SLC1A2: variants seen among roughly 807,000 people sequenced by gnomAD.
SLC1A2 encodes the protein excitatory amino acid transporter 2.
In SLC1A2, 15 loss-of-function variants were observed where a neutral mutation model predicts 48.8. That is an observed-to-expected ratio of 0.31 (90% confidence interval 0.21 to 0.47). The LOEUF is 0.47. Ranked by LOEUF, SLC1A2 falls within the 20% of genes least tolerant of loss-of-function variation. The pLI is 0.99. For missense variants in SLC1A2, 502 were observed against 730.5 expected, an observed-to-expected ratio of 0.69 and a Z score of 3.61; for synonymous variants, 279 against 272.6, an observed-to-expected ratio of 1.02 and a Z score of -0.23.
At chr11:35,379,324 T>C (rs1173583988) in intron 1 of SLC1A2, among the ~76,000 whole-genome samples, 1 of 152,262 alleles carries the variant, frequency 6.6e-6, no homozygotes, top group Non-Finnish European at 1.5e-5. Context: ...GCTACTGTTA[T>C]TACTAATAAA....
intron 1 of SLC1A2, among the ~76,000 whole-genome samples, chr11:35,337,263 C>G (rs1852667926): frequency 6.6e-6 from 1 of 152,052 alleles, no homozygotes; most frequent in Non-Finnish European, 1.5e-5. Flanking sequence ...CAACATCCAG[C>G]CAAACAGAAG....
rs1381984695 is a variant in SLC1A2 at position 35,254,027 on chromosome 11, G to A, written c.*6867C>T. The A allele has an allele frequency of 6.6e-6, 1 of 152,354 alleles. No homozygotes were observed. The highest frequency in any genetic ancestry group is 1.5e-5 in the Non-Finnish European group (1 of 68,022). The allele number at this position is 152,354 out of a possible 1,614,324, so 9.4% of individuals were successfully genotyped here. On this transcript the variant is annotated 3_prime_UTR_variant, in exon 11 of 11. Transcript: ENST00000278379. ...GATTTGTTTAAAAAAATGTAAGACTGGGCTGGAGGAATTTGTGGATTTAGG... is the reference window on the plus strand; with the variant it reads ...GATTTGTTTAAAAAAATGTAAGACTAGGCTGGAGGAATTTGTGGATTTAGG...
chr11:35,352,995 A>T (rs879497192), intron 1 of SLC1A2, among the ~76,000 whole-genome samples: 3 of 152,250 alleles, frequency 2.0e-5, no homozygotes, highest in Non-Finnish European at 4.4e-5. Flanking sequence ...AATCATTTCA[A>T]GACCGACTTT....
chr11:35,401,547 C>T (rs756854267), intron 1 of SLC1A2, among the ~76,000 whole-genome samples: 8 of 152,262 alleles, frequency 5.3e-5, no homozygotes, highest in Non-Finnish European at 1.0e-4. Flanking sequence ...CCTAAACCAG[C>T]GTTTCAGGTT....
intron 1 of SLC1A2, among the ~76,000 whole-genome samples, chr11:35,319,386 C>G (rs1851987768): frequency 6.6e-6 from 1 of 152,194 alleles, no homozygotes; most frequent in Non-Finnish European, 1.5e-5. Context: ...AAATGTCAAA[C>G]AAAGAATGGA....
chr11:35,343,102 T>G (rs921795606), intron 1 of SLC1A2, among the ~76,000 whole-genome samples: 3 of 152,256 alleles, frequency 2.0e-5, no homozygotes, highest in Non-Finnish European at 2.9e-5. Context: ...CACACTGGTG[T>G]GTCAGTAGTG....
chr11:35,295,675 G>A (rs1851148159), intron 6 of SLC1A2, among the ~76,000 whole-genome samples: 1 of 152,216 alleles, frequency 6.6e-6, no homozygotes, highest in African/African-American at 2.4e-5. Context: ...TTCTTAGGCT[G>A]TTCCTGTTCT....
intron 1 of SLC1A2, among the ~76,000 whole-genome samples, chr11:35,414,830 A>T (rs1236381656): frequency 6.6e-6 from 1 of 152,260 alleles, no homozygotes; most frequent in Non-Finnish European, 1.5e-5. Flanking sequence ...AGATTAAAAT[A>T]ATTGTAGCAG....
At chr11:35,310,229 C>G (rs908146518) in intron 4 of SLC1A2, among the ~76,000 whole-genome samples, 26 of 152,316 alleles carry the variant, frequency 1.7e-4, no homozygotes, top group Admixed American at 8.5e-4. Flanking sequence ...CTCCTATGCT[C>G]CACTCTCCCC....
chr11:35,391,718 T>A (rs539425292), intron 1 of SLC1A2: 1 of 152,344 alleles, frequency 6.6e-6, no homozygotes, highest in South Asian at 2.1e-4. Flanking sequence ...GCCTTCTAAC[T>A]GCCATGCAAA....
At chr11:35,317,583 A>G in intron 1 of SLC1A2, 67 bp from the exon 2 acceptor site, 1 of 1,536,604 alleles carries the variant, frequency 6.5e-7, no homozygotes, top group Non-Finnish European at 8.8e-7. Context: ...CAGGGGCTCG[A>G]CTAGTAGGAA....
intron 9 of SLC1A2, among the ~76,000 whole-genome samples, chr11:35,268,314 G>A (rs1850161969): frequency 6.6e-6 from 1 of 152,088 alleles, no homozygotes. Context: ...GACACCAAAG[G>A]TAATGGTGGT....
At chr11:35,278,426 C>A (rs1850517713) in intron 9 of SLC1A2, among the ~76,000 whole-genome samples, 1 of 151,956 alleles carries the variant, frequency 6.6e-6, no homozygotes, top group African/African-American at 2.4e-5. Flanking sequence ...CGGGCATATG[C>A]CACCACACCT....
At chr11:35,377,216 A>G (rs1343564489) in intron 1 of SLC1A2, among the ~76,000 whole-genome samples, 1 of 152,220 alleles carries the variant, frequency 6.6e-6, no homozygotes, top group Non-Finnish European at 1.5e-5. Flanking sequence ...GGGTTAAGCA[A>G]CTTCCCAAGG....
chr11:35,292,235 A>G, intron 7 of SLC1A2, 52 bp downstream of exon 7: 2 of 1,316,448 alleles, frequency 1.5e-6, no homozygotes, highest in East Asian at 2.3e-5. Context: ...GAGAAATGGC[A>G]AAGAGGGCAA....
intron 1 of SLC1A2, chr11:35,322,742 T>C (rs777706285): frequency 6.4e-6 from 6 of 936,204 alleles, no homozygotes; most frequent in Non-Finnish European, 1.0e-5. Flanking sequence ...GTTGTTGTAT[T>C]TGGATAAGAA....
intron 1 of SLC1A2, among the ~76,000 whole-genome samples, chr11:35,376,778 AC>A (rs1454245050): frequency 6.6e-5 from 10 of 152,190 alleles, no homozygotes; most frequent in Admixed American, 5.9e-4. Context: ...AAAAGCAAAA[AC>A]AAAAACCAGA....
chr11:35,275,016 C>A (rs1850396434), intron 9 of SLC1A2, among the ~76,000 whole-genome samples: 1 of 152,206 alleles, frequency 6.6e-6, no homozygotes, highest in Non-Finnish European at 1.5e-5. Flanking sequence ...AAGGGAGAGT[C>A]CCTGGAGATT....
At chr11:35,407,835 C>T (rs1342760625) in intron 1 of SLC1A2, among the ~76,000 whole-genome samples, 1 of 152,236 alleles carries the variant, frequency 6.6e-6, no homozygotes, top group East Asian at 1.9e-4. Flanking sequence ...TCTTCAGATA[C>T]TAGAGCTTCC....
Sources: allele counts gnomAD v4.1 joint callset (sites outside exome capture counted in the v4.1 genomes callset), GRCh38; gene constraint gnomAD v4.1.1; transcripts MANE v1.5; gene names NCBI Gene and HGNC (gene_info 2026-07-23, HGNC 2026-07-21).